Variants in MRPL32 observed in about 807,000 individuals in gnomAD.
MRPL32 encodes the protein mitochondrial ribosomal protein L32.
MRPL32 carries 14 observed loss-of-function variants against 21.7 expected under a neutral mutation model. The ratio of observed to expected loss-of-function variants is 0.64; its 90% CI spans 0.43 to 1.01. The LOEUF is 1.01. Ranked by LOEUF, MRPL32 falls within the 50% of genes least tolerant of loss-of-function variation. The pLI, the probability that MRPL32 is intolerant of heterozygous loss-of-function variation, is 0.00. For missense variants in MRPL32, 211 were observed against 235.9 expected (o/e 0.89, Z 0.69); for synonymous variants, 83 against 87.7 (o/e 0.95, Z 0.30).
At chr7:42,935,163 C>A in intron 2 of MRPL32, 27 bp downstream of exon 2, 1 of 1,589,462 alleles carries the variant, frequency 6.3e-7, no homozygotes, top group Non-Finnish European at 8.6e-7. Flanking sequence ...TGTGGGTGTG[C>A]TTTTCCTCAA....
chr7:42,934,891 T>G (rs1786400080), intron 1 of MRPL32, 64 bp from the exon 2 acceptor site: 1 of 1,280,270 alleles, frequency 7.8e-7, no homozygotes, highest in Non-Finnish European at 1.1e-6. Flanking sequence ...AGGAAAATGA[T>G]ATCTGTAAAT....
In MRPL32 at chr7:42,937,328, A is replaced by C; in HGVS notation, c.319A>C (p.Ile107Leu). Residue 107 changes from isoleucine to leucine, a missense_variant, in exon 3 of 3, where the codon ATA (isoleucine) becomes CTA (leucine). By Grantham distance (5) the Ile-to-Leu change is conservative. Coordinates refer to ENST00000223324, the MANE Select transcript of MRPL32 (RefSeq NM_031903.3). ...PQKLIKVKNNIDVCPECGHLK... is the reference protein window; with the variant it reads ...PQKLIKVKNNLDVCPECGHLK... The stretch of plus-strand genomic sequence containing the variant: ...TTTGTTTATTGTTTTAAAGAACAAC[A>C]TAGACGTTTGTCCTGAATGTGGTCA... 6.2e-7 allele frequency: 1 copy of C among 1,614,236 alleles called. No individual in the cohort carries two copies. The highest frequency in any genetic ancestry group is 8.5e-7 in the Non-Finnish European group (1 of 1,180,030).
In MRPL32 at chr7:42,937,427, C is replaced by T. The variant is rs761750488; in HGVS notation, c.418C>T (p.Gln140Ter). ...VCKETAEIRR[Q>*]IGKQEGGPFK... ...CAAGGAGACTGCAGAAATCAGACGACAGATAGGGAAGCAAGAAGGGGGCCC... is the reference window on the plus strand; with the variant it reads ...CAAGGAGACTGCAGAAATCAGACGATAGATAGGGAAGCAAGAAGGGGGCCC... The change falls in exon 3 of 3, where the codon CAG becomes TAG. Residue 140 changes from glutamine to a stop codon, truncating the protein, a stop_gained. Transcript: ENST00000223324. LOFTEE classifies it high-confidence loss of function. 9 of 1,614,110 alleles carry T rather than the reference C, an allele frequency of 5.6e-6. No homozygotes were observed. In the Admixed American group the frequency reaches 1.5e-4, roughly 27 times the overall value.
At chr7:42,937,297 T>TA in intron 2 of MRPL32, 25 bp from the exon 3 acceptor site, 1 of 1,612,704 alleles carries the variant, frequency 6.2e-7, no homozygotes, top group Non-Finnish European at 8.5e-7. Flanking sequence ...CATGTTAAAA[T>TA]ACGTTTTTGT....
At chr7:42,937,194 G>A (rs1583614762) in intron 2 of MRPL32, 128 bp from the exon 3 acceptor site, 2 of 1,577,980 alleles carry the variant, frequency 1.3e-6, no homozygotes, top group Non-Finnish European at 8.6e-7. Context: ...GGAACTAGAT[G>A]GTGTATGATG....
intron 1 of MRPL32, among the ~76,000 whole-genome samples, chr7:42,933,504 T>TTTCCTCCC (rs1786367509): frequency 1.4e-5 from 2 of 147,312 alleles, no homozygotes; most frequent in Non-Finnish European, 3.0e-5. Context: ...CCCTCCCTTC[T>TTTCCTCCC]TTCCTCCCTT....
At chr7:42,937,275 G>T in intron 2 of MRPL32, 47 bp from the exon 3 acceptor site, 1 of 1,611,850 alleles carries the variant, frequency 6.2e-7, no homozygotes, top group South Asian at 1.1e-5. Context: ...TTATTTGTTC[G>T]TTATATTGCC....
chr7:42,934,883 G>A, intron 1 of MRPL32, 72 bp from the exon 2 acceptor site: 2 of 1,242,442 alleles, frequency 1.6e-6, no homozygotes, highest in East Asian at 2.5e-5. Context: ...GATTGTTAAG[G>A]AAAATGATAT....
chr7:42,936,529 T>G (rs1786425726), intron 2 of MRPL32: 1 of 152,134 alleles, frequency 6.6e-6, no homozygotes, highest in South Asian at 2.1e-4. Flanking sequence ...TATATTAATC[T>G]TATCAAGTGT....
intron 2 of MRPL32, chr7:42,936,184 A>G (rs902196896): frequency 3.3e-5 from 5 of 152,228 alleles, no homozygotes; most frequent in African/African-American, 1.2e-4. Context: ...AATTTGCTCA[A>G]GAGGACGTAA....
chr7:42,934,605 G>C (rs557290713), intron 1 of MRPL32, among the ~76,000 whole-genome samples: 1 of 152,124 alleles, frequency 6.6e-6, no homozygotes, highest in African/African-American at 2.4e-5. Flanking sequence ...CTTACTACCC[G>C]CCAAGTATTA....
rs1406608793 is a variant in MRPL32 at position 42,937,544 on chromosome 7, A to C, written c.535A>C (p.Arg179=). ...DQGKRIIERD[R]KRPSWFTQN ...GGGCAAGAGGATCATTGAACGAGAC[A>C]GAAAGCGACCATCCTGGTTCACCCA... is the stretch of plus-strand genomic sequence containing the variant. Residue 179 remains arginine (R), a synonymous_variant, in exon 3 of 3, where the codon AGA becomes CGA. Transcript: ENST00000223324. The C allele has an allele frequency of 3.7e-6, 6 of 1,612,722 alleles. No individual in the cohort carries two copies. In the African/African-American group the frequency reaches 5.3e-5, roughly 14 times the overall value.
In MRPL32 at chr7:42,937,143, C is replaced by T. The variant is rs1380830238; in HGVS notation, c.313-179C>T. On this transcript the variant is annotated intron_variant, in intron 2 of 2. Transcript: ENST00000223324. ...AGTTCTAGTTTTTCTCTAATTCAAA[C>T]TCAGTGTTGCTTGTCTTCAGTCTTC... The T allele has an allele frequency of 5.4e-6, 8 of 1,490,304 alleles. No homozygotes were observed. The African/African-American group carries it at 8.3e-5, about 15-fold the overall frequency. The allele number at this position is 1,490,304 out of a possible 1,614,324, so 92.3% of individuals were successfully genotyped here.
chr7:42,932,629 T>G (rs753067033), intron 1 of MRPL32, 113 bp downstream of exon 1: 10 of 1,196,756 alleles, frequency 8.4e-6, no homozygotes, highest in Non-Finnish European at 1.1e-5. Context: ...CGCGGCCTCA[T>G]GTCGGGGACG....
intron 1 of MRPL32, among the ~76,000 whole-genome samples, chr7:42,932,719 A>C (rs1366859940): frequency 3.0e-5 from 4 of 133,694 alleles, no homozygotes; most frequent in African/African-American, 1.1e-4. Flanking sequence ...AAAAAAAAAA[A>C]ATTCCTCTGC....
At chr7:42,933,175 G>C (rs1017125548) in intron 1 of MRPL32, among the ~76,000 whole-genome samples, 4 of 152,176 alleles carry the variant, frequency 2.6e-5, no homozygotes, top group African/African-American at 9.7e-5. Context: ...CTCTAAGGGA[G>C]TTCGGGACCT....
chr7:42,932,629 T>C (rs753067033), intron 1 of MRPL32, 113 bp downstream of exon 1: 1 of 1,196,756 alleles, frequency 8.4e-7, no homozygotes, highest in Non-Finnish European at 1.1e-6. Flanking sequence ...CGCGGCCTCA[T>C]GTCGGGGACG....
chr7:42,937,388 T>C lies in MRPL32; in HGVS notation c.379T>C (p.Tyr127His). Residue 127 changes from tyrosine (Y) to histidine (H), a missense_variant, in exon 3 of 3, where the codon TAT becomes CAT. Physicochemically the swap from Tyr to His is moderately conservative, Grantham distance 83. Transcript: ENST00000223324. ...GAAACATGTCCTTTGTGCCTACTGC[T>C]ATGAAAAGGTGTGCAAGGAGACTGC... ...KQKHVLCAYC[Y>H]EKVCKETAEI... 1 of 1,614,192 alleles carries C rather than the reference T, an allele frequency of 6.2e-7. No homozygotes were observed. The highest frequency in any genetic ancestry group is 8.5e-7 in the Non-Finnish European group (1 of 1,180,038).
In MRPL32 at chr7:42,932,468, C is replaced by T. The variant is rs749967358; in HGVS notation, c.82C>T (p.Leu28=). 1.2e-6 allele frequency: 2 copies of T among 1,611,484 alleles called. No homozygotes were observed. Among genetic ancestry groups the T allele is most frequent in the South Asian group, 1.1e-5 (1 of 91,028 alleles). The change falls in exon 1 of 3, where the codon CTA becomes TTA. Residue 28 remains leucine (L), a synonymous_variant. Transcript: ENST00000223324. ...GVLRNYWERL[L]RKLPQSRPGF... is the part of the protein sequence containing the mutation. The stretch of plus-strand genomic sequence containing the variant: ...GCTTCGAAACTACTGGGAGCGACTG[C>T]TACGGAAGCTTCCGCAGAGCCGGCC...
Sources: gnomAD v4.1 joint callset for allele counts (sites outside exome capture counted in the v4.1 genomes callset) on GRCh38, gnomAD v4.1.1 for gene constraint, MANE v1.5 for transcripts, NCBI Gene and HGNC (gene_info 2026-07-23, HGNC 2026-07-21) for gene names.